Variants in CCDC88A observed in about 807,000 individuals in gnomAD.
The protein encoded by CCDC88A is girdin.
A neutral mutation model predicts 234.3 loss-of-function variants in CCDC88A; 54 were observed. The ratio of observed to expected loss-of-function variants is 0.23; its 90% CI spans 0.19 to 0.29. The LOEUF (loss-of-function observed/expected upper bound fraction) is 0.29. Among genes scored for constraint, CCDC88A ranks in the 10% least tolerant of loss-of-function variants. The probability of loss-of-function intolerance (pLI) is 1.00; values close to 1 mark genes in which losing one functional copy is unlikely to be tolerated. For synonymous variants in CCDC88A, 753 were observed against 737.8 expected (o/e 1.02, Z -0.33); for missense variants, 1,832 against 2,123.4 (o/e 0.86, Z 2.70).
Position 55,401,614 on chromosome 2 carries a change from A to G in CCDC88A, c.165-12728T>C, listed in dbSNP as rs1678722995. Among the ~76,000 whole-genome samples, 6 of 149,888 alleles carry G rather than the reference A, an allele frequency of 4.0e-5. No individual in the cohort carries two copies. The South Asian group carries it at 1.3e-3, about 31-fold the overall frequency. ...CATGACAGCCAACAATAAATCTAAT[A>G]TTAATATAAGCTTTTACCTATCTAC... On this transcript the variant is annotated intron_variant, in intron 2 of 32. Coordinates refer to ENST00000436346, the MANE Select transcript of CCDC88A (RefSeq NM_001365480.1).
chr2:55,373,687 T>C (rs563475845), intron 4 of CCDC88A, among the ~76,000 whole-genome samples: 107 of 152,276 alleles, frequency 7.0e-4, no homozygotes, highest in Non-Finnish European at 1.2e-3. Flanking sequence ...AACAATTCCA[T>C]CCTACACGCA....
At chr2:55,358,209 C>T (rs1300207754) in intron 7 of CCDC88A, among the ~76,000 whole-genome samples, 1 of 152,156 alleles carries the variant, frequency 6.6e-6, no homozygotes, top group Non-Finnish European at 1.5e-5. Flanking sequence ...TCATCCAATA[C>T]TATAATTTGC....
At position 55,301,188 on chromosome 2, in the gene CCDC88A, T is replaced by A; in HGVS notation, c.4744+18A>T. The A allele has an allele frequency of 1.4e-6, 2 of 1,458,550 alleles. No homozygotes were observed. The highest frequency in any genetic ancestry group is 1.9e-6 in the Non-Finnish European group (2 of 1,044,150). The allele number at this position is 1,458,550 out of a possible 1,614,324, so 90.4% of individuals were successfully genotyped here. On this transcript the variant is annotated intron_variant, in intron 28 of 32. Coordinates refer to ENST00000436346, the MANE Select transcript of CCDC88A (RefSeq NM_001365480.1). ...CTGTATTTAATGTGTACTCTCTAAATAAGGTTCATTATCTTACCATGAACT... is the reference window on the plus strand; with the variant it reads ...CTGTATTTAATGTGTACTCTCTAAAAAAGGTTCATTATCTTACCATGAACT...
intron 2 of CCDC88A, among the ~76,000 whole-genome samples, chr2:55,398,410 C>A (rs1677995003): frequency 6.6e-6 from 1 of 152,080 alleles, no homozygotes; most frequent in African/African-American, 2.4e-5. Context: ...TACTTAGAGC[C>A]CAGGATAACC....
intron 17 of CCDC88A, among the ~76,000 whole-genome samples, chr2:55,325,478 A>C (rs1464151234): frequency 3.3e-5 from 5 of 152,222 alleles, no homozygotes; most frequent in Non-Finnish European, 7.4e-5. Flanking sequence ...CAGGTGAAGA[A>C]AGACATTTTT....
chr2:55,374,023 T>A (rs938635236), intron 4 of CCDC88A, among the ~76,000 whole-genome samples: 1 of 152,162 alleles, frequency 6.6e-6, no homozygotes, highest in Non-Finnish European at 1.5e-5. Context: ...AAGAAAAAAT[T>A]AAATGATCTA....
At chr2:55,340,555 C>T (rs981357257) in intron 12 of CCDC88A, among the ~76,000 whole-genome samples, 10 of 152,080 alleles carry the variant, frequency 6.6e-5, no homozygotes, top group African/African-American at 2.2e-4. Flanking sequence ...CCATTAGTTG[C>T]CTAAGTCTTT....
intron 7 of CCDC88A, among the ~76,000 whole-genome samples, chr2:55,359,155 C>G (rs1670967192): frequency 6.6e-6 from 1 of 152,040 alleles, no homozygotes; most frequent in Non-Finnish European, 1.5e-5. Context: ...TTTCTTACAC[C>G]TCCTTTGTAT....
chr2:55,414,893 G>A (rs552931194), intron 2 of CCDC88A, among the ~76,000 whole-genome samples: 4 of 151,564 alleles, frequency 2.6e-5, no homozygotes, highest in East Asian at 3.9e-4. Flanking sequence ...GTGAAACCCC[G>A]TCTCTACTAA....
At chr2:55,409,229 A>T (rs1680073676) in intron 2 of CCDC88A, among the ~76,000 whole-genome samples, 1 of 151,832 alleles carries the variant, frequency 6.6e-6, no homozygotes, top group Non-Finnish European at 1.5e-5. Context: ...TAATTCCTCC[A>T]CCGTTATTTA....
Position 55,322,528 on chromosome 2 carries a change from A to G in CCDC88A, c.3162T>C (p.Asn1054=), listed in dbSNP as rs751702506. ...VKDRLIEVER[N]NATLQAEKQA... ...TCTACTAAAATTTAAAAATACTTACATTTCTTTCTACTTCAATTAATCTGT... is the reference window on the plus strand; with the variant it reads ...TCTACTAAAATTTAAAAATACTTACGTTTCTTTCTACTTCAATTAATCTGT... The change falls in exon 18 of 33, where the codon AAT becomes AAC. Residue 1054 remains asparagine (N), a splice_region_variant and synonymous_variant. Coordinates refer to ENST00000436346, the MANE Select transcript of CCDC88A (RefSeq NM_001365480.1). 6.4e-7 allele frequency: 1 copy of G among 1,553,206 alleles called. No homozygotes were observed. The highest frequency in any genetic ancestry group is 1.2e-5 in the South Asian group (1 of 84,938).
At chr2:55,307,982 T>TC (rs1268997334) in intron 25 of CCDC88A, 1 of 151,980 alleles carries the variant, frequency 6.6e-6, no homozygotes, top group East Asian at 1.9e-4. Flanking sequence ...CTTTCTTTTT[T>TC]TTTTTTTTTT....
chr2:55,364,786 T>C (rs1406094325), intron 5 of CCDC88A, among the ~76,000 whole-genome samples: 1 of 152,124 alleles, frequency 6.6e-6, no homozygotes, highest in Middle Eastern at 3.2e-3. Flanking sequence ...ATTAACAATT[T>C]AACATGCATT....
At chr2:55,291,953 T>C (rs1396507322) in intron 31 of CCDC88A, 178 bp from the exon 32 acceptor site, 1 of 478,264 alleles carries the variant, frequency 2.1e-6, no homozygotes, top group African/African-American at 2.0e-5. Flanking sequence ...ATTTTAAAGC[T>C]ATAAGTAATA....
At chr2:55,416,443 AATATATATAT>A (rs60840841) in intron 2 of CCDC88A, among the ~76,000 whole-genome samples, 10 of 15,836 alleles carry the variant, frequency 6.3e-4, no homozygotes, top group East Asian at 4.0e-3. Context: ...TAAATAAATA[AATATATATAT>A]ATATATATAT....
At chr2:55,360,322 TAAC>T (rs1466462124) in intron 7 of CCDC88A, among the ~76,000 whole-genome samples, 2 of 150,088 alleles carry the variant, frequency 1.3e-5, no homozygotes, top group African/African-American at 5.1e-5. Flanking sequence ...AAACTCTAAA[TAAC>T]AACTTGTTTC....
chr2:55,386,075 G>A (rs571803840), intron 3 of CCDC88A, among the ~76,000 whole-genome samples: 3 of 149,078 alleles, frequency 2.0e-5, no homozygotes, highest in South Asian at 2.1e-4. Flanking sequence ...ATACAAAAAT[G>A]AGCCGGGCGT....
rs11894273 is a variant in CCDC88A, at chr2:55,294,854, A to G, written c.5551+743T>C. ...TTTTAAAGGCATGCAGAAAATGGAC[A>G]AAGTAATTAATATTTCATGCAGGTT... On this transcript the variant is annotated intron_variant, in intron 31 of 32. Coordinates refer to ENST00000436346, the MANE Select transcript of CCDC88A (RefSeq NM_001365480.1). The G allele has an allele frequency of 7.7e-3, 8,034 of 1,047,786 alleles. 458 individuals carry two copies. In the African/African-American group the frequency reaches 0.13, roughly 16 times the overall value. 64.9% of individuals were successfully genotyped at this position (1,047,786 alleles called of 1,614,324 possible).
At chr2:55,405,473 T>C (rs1012213723) in intron 2 of CCDC88A, 2 of 152,240 alleles carry the variant, frequency 1.3e-5, no homozygotes, top group African/African-American at 2.4e-5. Context: ...AGATTTGTTT[T>C]CAAATACCTG....
Sources: allele counts gnomAD v4.1 joint callset (sites outside exome capture counted in the v4.1 genomes callset), GRCh38; gene constraint gnomAD v4.1.1; transcripts MANE v1.5; gene names NCBI Gene and HGNC (gene_info 2026-07-23, HGNC 2026-07-21).